The following SUGCT variants were observed in gnomAD, a reference collection of about 807,000 sequenced individuals.
SUGCT encodes the protein succinyl-CoA:glutarate-CoA transferase.
Under a neutral mutation model 55.0 loss-of-function variants are expected in SUGCT, and 41 were observed. The observed-to-expected ratio is 0.74, with a 90% CI of 0.58 to 0.97. The LOEUF (loss-of-function observed/expected upper bound fraction) is 0.97, where lower values mean the gene tolerates loss of function less well. SUGCT is among the 50% of genes least tolerant of loss of function. SUGCT has a pLI of 0.00. For missense variants in SUGCT, 568 were observed against 547.8 expected, an observed-to-expected ratio of 1.04 and a Z score of -0.37; for synonymous variants, 187 against 200.4, an observed-to-expected ratio of 0.93 and a Z score of 0.56.
At chr7:40,405,530 G>A (rs1786311769) in intron 9 of SUGCT, among the ~76,000 whole-genome samples, 1 of 152,042 alleles carries the variant, frequency 6.6e-6, no homozygotes, top group Non-Finnish European at 1.5e-5. Context: ...ACAATGAGGA[G>A]CTGGGCGTGG....
chr7:40,143,703 C>T (rs1409758806), intron 1 of SUGCT, among the ~76,000 whole-genome samples: 3 of 152,122 alleles, frequency 2.0e-5, no homozygotes, highest in African/African-American at 4.8e-5. Context: ...TTGGTCTTGT[C>T]GTTAGATGGA....
intron 13 of SUGCT, among the ~76,000 whole-genome samples, chr7:40,799,497 G>C (rs1210929691): frequency 1.3e-5 from 2 of 152,274 alleles, no homozygotes; most frequent in African/African-American, 4.8e-5. Context: ...ATAGACAAGG[G>C]TTGGTTGATG....
At chr7:40,484,729 G>T (rs1265058962) in intron 11 of SUGCT, among the ~76,000 whole-genome samples, 1 of 152,170 alleles carries the variant, frequency 6.6e-6, no homozygotes, top group East Asian at 1.9e-4. Flanking sequence ...TACATAAAAG[G>T]CTTCAGTTAA....
At chr7:40,925,046 C>T in the SUGCT span, among the ~76,000 whole-genome samples, 3 of 152,192 alleles carry the variant, frequency 2.0e-5, no homozygotes, top group African/African-American at 7.2e-5. Context: ...CTGGTGTATA[C>T]ACCTAAAGCT....
chr7:40,638,483 T>A (rs964203750), intron 12 of SUGCT, among the ~76,000 whole-genome samples: 4 of 152,202 alleles, frequency 2.6e-5, no homozygotes, highest in Admixed American at 6.5e-5. Flanking sequence ...TGGCTTGTAT[T>A]TGCTTTTGAA....
chr7:40,984,679 C>T, the SUGCT span, among the ~76,000 whole-genome samples: 5 of 152,164 alleles, frequency 3.3e-5, no homozygotes, highest in East Asian at 1.9e-4. Flanking sequence ...TATATTCCGA[C>T]GGCTACCATT....
chr7:41,022,950 G>T, the SUGCT span, among the ~76,000 whole-genome samples: 1 of 152,090 alleles, frequency 6.6e-6, no homozygotes, highest in African/African-American at 2.4e-5. Flanking sequence ...ATCTGTCATG[G>T]CAGTTTTTCA....
intron 7 of SUGCT, among the ~76,000 whole-genome samples, chr7:40,266,848 C>G (rs57954258): frequency 1.1e-4 from 17 of 151,866 alleles, no homozygotes; most frequent in Non-Finnish European, 2.4e-4. Flanking sequence ...AACCCCATCT[C>G]TACTAAAAAT....
intron 12 of SUGCT, among the ~76,000 whole-genome samples, chr7:40,612,106 C>T (rs150943520): frequency 2.6e-5 from 4 of 151,068 alleles, no homozygotes; most frequent in African/African-American, 9.7e-5. Flanking sequence ...TTTCTATGTT[C>T]ATGATGTCTC....
chr7:40,396,869 C>T (rs1785762115), intron 9 of SUGCT, among the ~76,000 whole-genome samples: 2 of 152,046 alleles, frequency 1.3e-5, no homozygotes, highest in South Asian at 4.1e-4. Flanking sequence ...CAAAGCAAGA[C>T]AAAAAAGATC....
At chr7:40,885,156 G>A in the SUGCT span, among the ~76,000 whole-genome samples, 2 of 152,184 alleles carry the variant, frequency 1.3e-5, no homozygotes, top group Non-Finnish European at 2.9e-5. Context: ...TGGTATTGGT[G>A]TTGAGGATGG....
intron 11 of SUGCT, among the ~76,000 whole-genome samples, chr7:40,489,698 C>CA (rs1485961730): frequency 6.6e-6 from 1 of 151,910 alleles, no homozygotes; most frequent in African/African-American, 2.4e-5. Context: ...AAACAAAAAA[C>CA]AAAAAACAAA....
At chr7:40,189,483 T>C (rs1785761897) in intron 4 of SUGCT, 61 bp from the exon 5 acceptor site, 2 of 450,436 alleles carry the variant, frequency 4.4e-6, no homozygotes, top group African/African-American at 2.2e-5. Flanking sequence ...GTGGTGGGGA[T>C]TGGGCTTCTT....
chr7:40,453,489 A>C (rs1789304715), intron 10 of SUGCT, among the ~76,000 whole-genome samples: 1 of 152,250 alleles, frequency 6.6e-6, no homozygotes, highest in South Asian at 2.1e-4. Context: ...CCTAATCAGC[A>C]TACCAAAGAT....
At chr7:40,571,642 A>G (rs979992269) in intron 12 of SUGCT, among the ~76,000 whole-genome samples, 1 of 152,180 alleles carries the variant, frequency 6.6e-6, no homozygotes, top group Non-Finnish European at 1.5e-5. Context: ...TGTTTTTTGC[A>G]TGAACACATC....
the SUGCT span, among the ~76,000 whole-genome samples, chr7:40,878,068 T>C: frequency 1.1e-4 from 17 of 152,300 alleles, no homozygotes; most frequent in East Asian, 3.3e-3. Context: ...TACTCCATTA[T>C]ATCTTCTTTT....
At chr7:40,291,737 C>A (rs563534715) in intron 8 of SUGCT, among the ~76,000 whole-genome samples, 1 of 151,898 alleles carries the variant, frequency 6.6e-6, no homozygotes, top group Non-Finnish European at 1.5e-5. Context: ...ACAATATGTA[C>A]TATGCTCACC....
intron 8 of SUGCT, among the ~76,000 whole-genome samples, chr7:40,282,492 AAAAC>A (rs3085012): frequency 0.59 from 88,615 of 150,380 alleles, 26,751 homozygotes; most frequent in Non-Finnish European, 0.67. Context: ...AACAAAAACA[AAAAC>A]AAACAAACAA....
the SUGCT span, among the ~76,000 whole-genome samples, chr7:41,006,490 A>G: frequency 6.6e-6 from 1 of 152,188 alleles, no homozygotes; most frequent in African/African-American, 2.4e-5. Flanking sequence ...CATCAGAAAT[A>G]ATGAAGTTTG....
Sources: gnomAD v4.1 joint callset for allele counts (sites outside exome capture counted in the v4.1 genomes callset) on GRCh38, gnomAD v4.1.1 for gene constraint, MANE v1.5 for transcripts, NCBI Gene and HGNC (gene_info 2026-07-23, HGNC 2026-07-21) for gene names.